MTA3: variants seen among roughly 807,000 people sequenced by gnomAD.
MTA3 encodes the protein metastasis associated 1 family member 3.
In MTA3, 34 loss-of-function variants were observed where a neutral mutation model predicts 83.5. That is an observed-to-expected ratio of 0.41 (90% CI 0.31 to 0.54). The LOEUF (loss-of-function observed/expected upper bound fraction) is 0.54. Among genes scored for constraint, MTA3 ranks in the 20% least tolerant of loss-of-function variants. The pLI is 0.33. For missense variants in MTA3, 761 were observed against 726.4 expected, an observed-to-expected ratio of 1.05 and a Z score of -0.55; for synonymous variants, 303 against 252.7, an observed-to-expected ratio of 1.20 and a Z score of -1.89.
chr2:42,550,856 A>G (rs1677074046), intron 2 of MTA3, among the ~76,000 whole-genome samples: 1 of 152,204 alleles, frequency 6.6e-6, no homozygotes, highest in South Asian at 2.1e-4. Flanking sequence ...AGCCTGGCCA[A>G]CATGGCGAAA....
At chr2:42,669,148 G>C (rs537949333) in intron 8 of MTA3, among the ~76,000 whole-genome samples, 2 of 148,650 alleles carry the variant, frequency 1.3e-5, no homozygotes, top group South Asian at 2.1e-4. Flanking sequence ...GCAGTGGTTA[G>C]TTCTTGGCTC....
Position 42,594,728 on chromosome 2 carries a change from A to ATTTTTTTTTT in MTA3, c.191-14723_191-14714dup, listed in dbSNP as rs1211133796. Among the ~76,000 whole-genome samples the ATTTTTTTTTT allele has an allele frequency of 1.9e-3, 45 of 24,032 alleles. 3 individuals are homozygous for ATTTTTTTTTT. The highest frequency in any genetic ancestry group is 4.9e-3 in the African/African-American group (22 of 4,468). 15.8% of individuals were successfully genotyped at this position (24,032 alleles called of 152,430 possible). A position where few individuals can be genotyped will look rare whatever the true frequency, so the allele number is the denominator to read the frequency against. On this transcript the variant is annotated intron_variant, in intron 3 of 16. Transcript: ENST00000405094. ...TACATATATATATATATATATATAT[A>ATTTTTTTTTT]TTTTTTTTTTTTTTTTGAGACAGAG...
intron 2 of MTA3, among the ~76,000 whole-genome samples, chr2:42,546,799 C>G (rs535919404): frequency 6.6e-6 from 1 of 152,248 alleles, no homozygotes; most frequent in East Asian, 1.9e-4. Context: ...CAGAAGGGGT[C>G]TCTATTCTCA....
intron 9 of MTA3, 116 bp from the exon 10 acceptor site, chr2:42,695,649 A>AG (rs1256611171): frequency 4.5e-6 from 2 of 448,084 alleles, no homozygotes; most frequent in East Asian, 5.9e-5. Context: ...AAAAAAAAAA[A>AG]AAAAAAAAAA....
intron 8 of MTA3, among the ~76,000 whole-genome samples, chr2:42,678,512 A>G (rs1294652420): frequency 6.6e-6 from 1 of 151,910 alleles, no homozygotes; most frequent in Non-Finnish European, 1.5e-5. Flanking sequence ...TAATTTTTGT[A>G]GAGACAGAGT....
intron 2 of MTA3, among the ~76,000 whole-genome samples, chr2:42,504,506 G>A (rs910719831): frequency 2.0e-5 from 3 of 152,154 alleles, no homozygotes; most frequent in African/African-American, 7.2e-5. Flanking sequence ...CTCCCAAAGT[G>A]CTGGGATCAC....
At chr2:42,641,921 G>A (rs1194343969) in intron 5 of MTA3, among the ~76,000 whole-genome samples, 2 of 151,756 alleles carry the variant, frequency 1.3e-5, no homozygotes, top group Non-Finnish European at 2.9e-5. Flanking sequence ...TACCTATTGG[G>A]TACACTGTTC....
chr2:42,675,648 T>C (rs931700872), intron 8 of MTA3, among the ~76,000 whole-genome samples: 1 of 152,138 alleles, frequency 6.6e-6, no homozygotes, highest in African/African-American at 2.4e-5. Context: ...AACAATCAAT[T>C]AGTTGTTCAT....
chr2:42,649,520 G>T (rs528520774), intron 6 of MTA3, among the ~76,000 whole-genome samples: 172 of 152,250 alleles, frequency 1.1e-3, no homozygotes, highest in Middle Eastern at 3.4e-3. Context: ...ATTAACTCAT[G>T]TTCTGTTGGC....
chr2:42,694,823 G>C (rs1693232266), intron 9 of MTA3, among the ~76,000 whole-genome samples: 1 of 152,120 alleles, frequency 6.6e-6, no homozygotes, highest in African/African-American at 2.4e-5. Flanking sequence ...CCTGTAGCTT[G>C]AGAACTTTCC....
chr2:42,711,341 C>G (rs1288312362), intron 14 of MTA3, among the ~76,000 whole-genome samples: 1 of 151,974 alleles, frequency 6.6e-6, no homozygotes, highest in Non-Finnish European at 1.5e-5. Context: ...ATTTTTTTCT[C>G]AATTGACGGG....
chr2:42,576,559 G>A (rs961099841), intron 2 of MTA3, among the ~76,000 whole-genome samples: 18 of 152,080 alleles, frequency 1.2e-4, no homozygotes, highest in African/African-American at 4.1e-4. Context: ...GAGCCTGGGG[G>A]TTTGAGACCA....
At chr2:42,682,900 A>G (rs1180282891) in intron 9 of MTA3, among the ~76,000 whole-genome samples, 2 of 152,102 alleles carry the variant, frequency 1.3e-5, no homozygotes, top group Non-Finnish European at 2.9e-5. Flanking sequence ...GTGAAACCCC[A>G]TCTCTACTGA....
At chr2:42,584,163 A>G (rs72973119) in intron 3 of MTA3, among the ~76,000 whole-genome samples, 3,625 of 152,158 alleles carry the variant, frequency 0.024, 159 homozygotes, top group African/African-American at 0.082. Context: ...AAAAAAAACA[A>G]ACTTTTTATT....
chr2:42,568,814 T>C (rs78106475), intron 1 of MTA3, 41 bp downstream of exon 1: 1,214,675 of 1,214,710 alleles, frequency 1, 607,320 homozygotes, highest in Middle Eastern at 1. Flanking sequence ...TGGGAGCGGG[T>C]TCCGGGAGCG....
intron 2 of MTA3, among the ~76,000 whole-genome samples, chr2:42,533,777 A>G (rs1401792128): frequency 6.9e-6 from 1 of 145,758 alleles, no homozygotes; most frequent in East Asian, 2.0e-4. Context: ...GGGTGCAGTG[A>G]GCTGAGATCG....
intron 3 of MTA3, among the ~76,000 whole-genome samples, chr2:42,605,134 G>A (rs1180287159): frequency 6.7e-6 from 1 of 149,694 alleles, no homozygotes; most frequent in Non-Finnish European, 1.5e-5. Context: ...CGGGCAGAGG[G>A]GCTCCTCACT....
In MTA3 at chr2:42,690,679, A is replaced by T. The variant is rs113698163; in HGVS notation, c.892-5086A>T. Among the ~76,000 whole-genome samples the T allele has an allele frequency of 5.1e-3, 556 of 108,694 alleles. 4 individuals are homozygous for T. Among genetic ancestry groups the T allele is most frequent in the African/African-American group, 0.022 (490 of 22,756 alleles). The allele number at this position is 108,694 out of a possible 152,430, so 71.3% of individuals were successfully genotyped here. A position where few individuals can be genotyped will look rare whatever the true frequency, so the allele number is the denominator to read the frequency against. The stretch of plus-strand genomic sequence containing the variant: ...TGGGGTACATGAAATTTTTTAATTT[A>T]ATTTTTTTTTTTTTTTTGGAGACAG... On this transcript the variant is annotated intron_variant, in intron 9 of 16. Coordinates refer to ENST00000405094, the MANE Select transcript of MTA3 (RefSeq NM_001330442.2).
intron 2 of MTA3, among the ~76,000 whole-genome samples, chr2:42,536,622 G>T (rs754909472): frequency 3.2e-4 from 48 of 152,190 alleles, no homozygotes; most frequent in Non-Finnish European, 5.9e-4. Flanking sequence ...CACTTTGGGA[G>T]GCTGAGGCAG....
Sources: allele counts gnomAD v4.1 joint callset (sites outside exome capture counted in the v4.1 genomes callset), GRCh38; gene constraint gnomAD v4.1.1; transcripts MANE v1.5; gene names NCBI Gene and HGNC (gene_info 2026-07-23, HGNC 2026-07-21).